TMEM213: variants seen among roughly 807,000 people sequenced by gnomAD.
TMEM213 encodes the protein transmembrane protein 213.
TMEM213 carries 7 observed loss-of-function variants against 11.6 expected under a neutral mutation model. That is an observed-to-expected ratio of 0.60 (90% CI 0.34 to 1.13). TMEM213 has a LOEUF of 1.13. Among genes scored for constraint, TMEM213 ranks in the 50% most tolerant of loss-of-function variants. The pLI, the probability that TMEM213 is intolerant of heterozygous loss-of-function variation, is 0.03. For missense variants in TMEM213, 129 were observed against 139.0 expected, an observed-to-expected ratio of 0.93 and a Z score of 0.36; for synonymous variants, 60 against 58.3, an observed-to-expected ratio of 1.03 and a Z score of -0.13.
chr7:138,801,457 AC>A, intron 2 of TMEM213, 59 bp downstream of exon 2: 1 of 1,489,720 alleles, frequency 6.7e-7, no homozygotes, highest in South Asian at 1.2e-5. Context: ...TGGGAGGGAA[AC>A]AAAGGCCTCC....
In TMEM213 at chr7:138,804,086, A is replaced by T. The variant is rs768961781; in HGVS notation, c.*1017A>T. The stretch of plus-strand genomic sequence containing the variant: ...CACCTATTCTCCCTGCCGGTGCCCA[A>T]GTTTTAGCCTTCACTGCCTTCCCCT... On this transcript the variant is annotated 3_prime_UTR_variant, in exon 3 of 3. Transcript: ENST00000442682. 6.6e-6 allele frequency: 1 copy of T among 152,474 alleles called. No individual in the cohort carries two copies. Among genetic ancestry groups the T allele is most frequent in the African/African-American group, 2.4e-5 (1 of 41,492 alleles). The allele number at this position is 152,474 out of a possible 1,614,324, so 9.4% of individuals were successfully genotyped here.
intron 1 of TMEM213, chr7:138,799,555 A>T (rs1177722177): frequency 6.6e-6 from 1 of 152,246 alleles, no homozygotes; most frequent in Non-Finnish European, 1.5e-5. Context: ...TTTCACCTAT[A>T]ACAATGGCAA....
At position 138,799,015 on chromosome 7, in the gene TMEM213, T is replaced by C. The variant is rs536170440; in HGVS notation, c.82+829T>C. Reference sequence around the variant, plus strand: ...GTAGCCACTGCCAGGGGTGTTGGTGTTGAGGTTCAAGACGTGCACTCTTGA... The same window carrying C: ...GTAGCCACTGCCAGGGGTGTTGGTGCTGAGGTTCAAGACGTGCACTCTTGA... On this transcript the variant is annotated intron_variant, in intron 1 of 2. Coordinates refer to ENST00000442682, the MANE Select transcript of TMEM213 (RefSeq NM_001085429.2). Among the ~76,000 whole-genome samples the C allele has an allele frequency of 4.2e-4, 64 of 152,292 alleles. 1 individual carries two copies. Among genetic ancestry groups the C allele is most frequent in the African/African-American group, 1.4e-3 (58 of 41,562 alleles).
chr7:138,802,891 C>G lies in TMEM213; in HGVS notation c.155-9C>G, dbSNP rs563437560. On this transcript the variant is annotated splice_polypyrimidine_tract_variant and intron_variant, in intron 2 of 2. Coordinates refer to ENST00000442682, the MANE Select transcript of TMEM213 (RefSeq NM_001085429.2). ...CATGCCGTCGTCCTTGCTGTCCCTT[C>G]CCCACCAGACGTGGACTTCTGCCCA... The G allele has an allele frequency of 1.2e-5, 19 of 1,551,012 alleles. No homozygotes were observed. The highest frequency in any genetic ancestry group is 1.5e-5 in the Non-Finnish European group (17 of 1,154,036).
At chr7:138,798,497 C>T (rs757440356) in intron 1 of TMEM213, among the ~76,000 whole-genome samples, 1 of 152,138 alleles carries the variant, frequency 6.6e-6, no homozygotes, top group Admixed American at 6.5e-5. Flanking sequence ...GAGTCTCACC[C>T]ATCAGGGGAC....
In TMEM213 at chr7:138,801,346, C is replaced by G; in HGVS notation, c.102C>G (p.Ser34Arg). 1 of 1,612,336 alleles carries G rather than the reference C, an allele frequency of 6.2e-7. No individual in the cohort carries two copies. Among genetic ancestry groups the G allele is most frequent in the South Asian group, 1.1e-5 (1 of 90,510 alleles). Residue 34 changes from serine to arginine, a missense_variant, in exon 2 of 3, where the codon AGC (serine) becomes AGG (arginine). By Grantham distance (110) the Ser-to-Arg change is moderately radical. Transcript: ENST00000442682. ...ACSAEASSSN[S>R]SSLTAHHPDP... ...TTCCAGAAGCAAGCAGCAGCAACAG[C>G]TCAAGCTTGACCGCTCACCACCCAG...
At position 138,805,798 on chromosome 7, in the gene TMEM213, G is replaced by A. The variant is rs765356175; in HGVS notation, c.*2729G>A. 1.3e-5 allele frequency: 2 copies of A among 152,138 alleles called. No homozygotes were observed. Among genetic ancestry groups the A allele is most frequent in the East Asian group, 3.8e-4 (2 of 5,198 alleles). 9.4% of individuals were successfully genotyped at this position (152,138 alleles called of 1,614,324 possible). On this transcript the variant is annotated 3_prime_UTR_variant, in exon 3 of 3. Transcript: ENST00000442682. ...ATTTCAGTCGCTTCATGGAATCGGGGTAGGCATGAGGCCCGTTGTTCTTTC... is the reference window on the plus strand; with the variant it reads ...ATTTCAGTCGCTTCATGGAATCGGGATAGGCATGAGGCCCGTTGTTCTTTC...
intron 2 of TMEM213, chr7:138,801,726 A>C: frequency 3.1e-6 from 1 of 319,246 alleles, no homozygotes; most frequent in South Asian, 6.8e-5. Flanking sequence ...TCCAACTTCC[A>C]CCCAATGCAA....
chr7:138,801,264 A>C, intron 1 of TMEM213, 63 bp from the exon 2 acceptor site: 2 of 1,454,302 alleles, frequency 1.4e-6, no homozygotes, highest in Non-Finnish European at 1.9e-6. Flanking sequence ...AAAACATTTC[A>C]AAATCTATGC....
rs1251750149 is a variant in TMEM213 at position 138,804,207 on chromosome 7, T to C, written c.*1138T>C. ...CATGGGCAGCTGCCAGGGTAGGCGC[T>C]GTCACCTTCTGTTGACAACAGTCAG... On this transcript the variant is annotated 3_prime_UTR_variant, in exon 3 of 3. Transcript: ENST00000442682. 1 of 152,402 alleles carries C rather than the reference T, an allele frequency of 6.6e-6. No homozygotes were observed. Among genetic ancestry groups the C allele is most frequent in the African/African-American group, 2.4e-5 (1 of 41,454 alleles). The allele number at this position is 152,402 out of a possible 1,614,324, so 9.4% of individuals were successfully genotyped here.
chr7:138,799,723 T>A (rs1808867373), intron 1 of TMEM213, among the ~76,000 whole-genome samples: 1 of 152,218 alleles, frequency 6.6e-6, no homozygotes, highest in South Asian at 2.1e-4. Context: ...TAGTGAGGAA[T>A]CAGTTTCTCC....
At chr7:138,800,699 TTCTTC>T (rs1442222468) in intron 1 of TMEM213, among the ~76,000 whole-genome samples, 4 of 89,774 alleles carry the variant, frequency 4.5e-5, no homozygotes, top group African/African-American at 1.6e-4. Context: ...CTTCTTCTTC[TTCTTC>T]TTTTTTTTTT....
rs1809052815 is a variant in TMEM213, at chr7:138,805,034, T to C, written c.*1965T>C. ...ACTGCTCAGTGGCTCTTTCAGAAAA[T>C]CTAAGTAAAGTTCCCTGACAACAGA... On this transcript the variant is annotated 3_prime_UTR_variant, in exon 3 of 3. Coordinates refer to ENST00000442682, the MANE Select transcript of TMEM213 (RefSeq NM_001085429.2). 1 of 151,982 alleles carries C rather than the reference T, an allele frequency of 6.6e-6. No individual in the cohort carries two copies. The highest frequency in any genetic ancestry group is 6.6e-5 in the Admixed American group (1 of 15,250). The allele number at this position is 151,982 out of a possible 1,614,324, so 9.4% of individuals were successfully genotyped here.
intron 2 of TMEM213, among the ~76,000 whole-genome samples, chr7:138,802,175 A>G (rs1808968326): frequency 1.4e-5 from 2 of 144,158 alleles, no homozygotes; most frequent in South Asian, 4.5e-4. Context: ...CAAAAAAAAA[A>G]GAGAAAGTTC....
In TMEM213 at chr7:138,805,601, G is replaced by A. The variant is rs1364950418; in HGVS notation, c.*2532G>A. ...TTTAAAAAATATAACAGTGTGTGAC[G>A]TAGCAGTGAGAGTACTATCTTTTTT... On this transcript the variant is annotated 3_prime_UTR_variant, in exon 3 of 3. Coordinates refer to ENST00000442682, the MANE Select transcript of TMEM213 (RefSeq NM_001085429.2). The A allele has an allele frequency of 2.6e-5, 4 of 152,212 alleles. No homozygotes were observed. Among genetic ancestry groups the A allele is most frequent in the African/African-American group, 4.8e-5 (2 of 41,518 alleles). The allele number at this position is 152,212 out of a possible 1,614,324, so 9.4% of individuals were successfully genotyped here.
rs763129936 is a variant in TMEM213, at chr7:138,798,060, G to A, written c.-45G>A. 4 of 1,564,838 alleles carry A rather than the reference G, an allele frequency of 2.6e-6. No individual in the cohort carries two copies. The East Asian group carries it at 7.1e-5, about 28-fold the overall frequency. On this transcript the variant is annotated 5_prime_UTR_variant, in exon 1 of 3. Transcript: ENST00000442682. ...TGCAGCAGGCACTCGGCACAACTCC[G>A]CAGGACCGGCTCACCTGCACCGGGC...
intron 1 of TMEM213, among the ~76,000 whole-genome samples, chr7:138,800,134 C>T (rs961358717): frequency 3.3e-5 from 5 of 152,156 alleles, no homozygotes; most frequent in Non-Finnish European, 7.3e-5. Context: ...AGAACTTGCA[C>T]TGAGGGTGGA....
chr7:138,803,496 A>G lies in TMEM213; in HGVS notation c.*427A>G, dbSNP rs1016057551. ...ACTGTCATTTCAGAATCTGAGAATCAGTCAGGTATGGTGGCTCATGCCTGT... is the reference window on the plus strand; with the variant it reads ...ACTGTCATTTCAGAATCTGAGAATCGGTCAGGTATGGTGGCTCATGCCTGT... On this transcript the variant is annotated 3_prime_UTR_variant, in exon 3 of 3. Transcript: ENST00000442682. 2 of 193,066 alleles carry G rather than the reference A, an allele frequency of 1.0e-5. No individual in the cohort carries two copies. The highest frequency in any genetic ancestry group is 2.4e-5 in the African/African-American group (1 of 41,738). 12.0% of individuals were successfully genotyped at this position (193,066 alleles called of 1,614,324 possible).
chr7:138,800,835 G>T (rs972284162), intron 1 of TMEM213, among the ~76,000 whole-genome samples: 1 of 151,980 alleles, frequency 6.6e-6, no homozygotes, highest in Admixed American at 6.6e-5. Context: ...AAGTAGCTGG[G>T]ATTACAGGCA....
Sources: gnomAD v4.1 joint callset for allele counts (sites outside exome capture counted in the v4.1 genomes callset) on GRCh38, gnomAD v4.1.1 for gene constraint, MANE v1.5 for transcripts, NCBI Gene and HGNC (gene_info 2026-07-23, HGNC 2026-07-21) for gene names.